The following MEGF11 variants were observed in gnomAD, a reference collection of about 807,000 sequenced individuals.
MEGF11 encodes multiple EGF like domains 11.
Under a neutral mutation model 146.6 loss-of-function variants are expected in MEGF11, and 126 were observed. That is an observed-to-expected ratio of 0.86 (90% CI 0.74 to 1.00). The LOEUF (loss-of-function observed/expected upper bound fraction) is 1.00. Ranked by LOEUF, MEGF11 falls within the 50% of genes least tolerant of loss-of-function variation. MEGF11 has a pLI of 0.00. For missense variants in MEGF11, 1,509 were observed against 1,521.2 expected, an observed-to-expected ratio of 0.99 and a Z score of 0.13; for synonymous variants, 532 against 583.4, an observed-to-expected ratio of 0.91 and a Z score of 1.27.
At chr15:65,903,189 CA>C (rs2078536978) in intron 24 of MEGF11, among the ~76,000 whole-genome samples, 1 of 152,134 alleles carries the variant, frequency 6.6e-6, no homozygotes, top group Non-Finnish European at 1.5e-5. Context: ...CAAGTTTACG[CA>C]AAGACAGACT....
At position 65,963,855 on chromosome 15, in the gene MEGF11, C is replaced by T. The variant is rs560072299; in HGVS notation, c.1112+1053G>A. 1.2e-4 allele frequency among the ~76,000 whole-genome samples: 19 copies of T among 152,276 alleles called. No homozygotes were observed. The East Asian group carries it at 1.7e-3, about 14-fold the overall frequency. On this transcript the variant is annotated intron_variant, in intron 9 of 25. Transcript: ENST00000395614. The stretch of plus-strand genomic sequence containing the variant: ...CCGACATGCCTCTGCTTGCAGTGAA[C>T]GAGGCTCCAGAGTGATTTGTGAAAG...
At chr15:65,954,735 G>C (rs1215237946) in intron 10 of MEGF11, among the ~76,000 whole-genome samples, 1 of 152,226 alleles carries the variant, frequency 6.6e-6, no homozygotes, top group Non-Finnish European at 1.5e-5. Flanking sequence ...AGAGGCAGTG[G>C]CCTGGCCTCC....
chr15:66,252,765 C>T (rs1597178274), intron 1 of MEGF11, among the ~76,000 whole-genome samples: 1 of 152,208 alleles, frequency 6.6e-6, no homozygotes, highest in African/African-American at 2.4e-5. Context: ...CGGCTGCGCT[C>T]GGCAGCTCCA....
intron 3 of MEGF11, among the ~76,000 whole-genome samples, chr15:66,121,221 A>G (rs1011815895): frequency 9.2e-5 from 14 of 152,174 alleles, no homozygotes; most frequent in Admixed American, 8.5e-4. Flanking sequence ...CCCCTGAGCA[A>G]ACTTGGCTCT....
At chr15:66,134,513 AC>A (rs2088801075) in intron 1 of MEGF11, among the ~76,000 whole-genome samples, 1 of 149,826 alleles carries the variant, frequency 6.7e-6, no homozygotes, top group Non-Finnish European at 1.5e-5. Context: ...ACCCTCTCCC[AC>A]CTCCTCCCAG....
At chr15:66,225,856 C>T (rs1432634791) in intron 1 of MEGF11, among the ~76,000 whole-genome samples, 2 of 152,150 alleles carry the variant, frequency 1.3e-5, no homozygotes, top group African/African-American at 4.8e-5. Flanking sequence ...CATACATATA[C>T]AGGCACATGC....
At chr15:66,206,725 C>T (rs2091309904) in intron 1 of MEGF11, among the ~76,000 whole-genome samples, 1 of 151,870 alleles carries the variant, frequency 6.6e-6, no homozygotes, top group South Asian at 2.1e-4. Flanking sequence ...ATAGTGAAAC[C>T]CCGTCTCTAC....
chr15:66,068,656 C>T lies in MEGF11; in HGVS notation c.394+25746G>A, dbSNP rs1294247134. The stretch of plus-strand genomic sequence containing the variant: ...CACCTGGCCCTTGTCTTTCATGGCC[C>T]ACTGTCCAAGCCTCTTCCATCAGGC... On this transcript the variant is annotated intron_variant, in intron 5 of 25. Coordinates refer to ENST00000395614, the MANE Select transcript of MEGF11 (RefSeq NM_001385028.1). Among the ~76,000 whole-genome samples, 3 of 152,262 alleles carry T rather than the reference C, an allele frequency of 2.0e-5. No individual in the cohort carries two copies. In the East Asian group the frequency reaches 5.8e-4, roughly 29 times the overall value.
intron 23 of MEGF11, among the ~76,000 whole-genome samples, chr15:65,908,228 G>A (rs1235476937): frequency 6.6e-6 from 1 of 152,170 alleles, no homozygotes; most frequent in Non-Finnish European, 1.5e-5. Context: ...GGACCTGCAG[G>A]GATTGGTAGA....
At chr15:66,099,285 T>A (rs1682450643) in intron 4 of MEGF11, among the ~76,000 whole-genome samples, 1 of 146,680 alleles carries the variant, frequency 6.8e-6, no homozygotes, top group Admixed American at 7.1e-5. Context: ...CAGGTTCAAG[T>A]GATTCTCCTG....
At chr15:65,930,714 T>A in intron 11 of MEGF11, 109 bp downstream of exon 11, 1 of 1,360,648 alleles carries the variant, frequency 7.3e-7, no homozygotes, top group Non-Finnish European at 9.8e-7. Flanking sequence ...TGACCTTGCA[T>A]GTGGGGGCGG....
At chr15:65,902,621 G>A (rs964689229) in intron 24 of MEGF11, 3 of 152,198 alleles carry the variant, frequency 2.0e-5, no homozygotes, top group Non-Finnish European at 4.4e-5. Context: ...CCCCACCCCT[G>A]TCCCAGTCCC....
intron 10 of MEGF11, among the ~76,000 whole-genome samples, chr15:65,955,078 T>C (rs772027402): frequency 2.0e-5 from 3 of 152,198 alleles, no homozygotes; most frequent in Admixed American, 6.5e-5. Flanking sequence ...TCTCTCCCTG[T>C]ATACACCCCA....
chr15:66,030,098 T>C (rs906006376), intron 5 of MEGF11, among the ~76,000 whole-genome samples: 1 of 152,230 alleles, frequency 6.6e-6, no homozygotes, highest in African/African-American at 2.4e-5. Context: ...CTTCTGACAG[T>C]GACAATGTCC....
intron 5 of MEGF11, among the ~76,000 whole-genome samples, chr15:65,983,456 G>C (rs1026961982): frequency 6.6e-6 from 1 of 152,120 alleles, no homozygotes; most frequent in African/African-American, 2.4e-5. Flanking sequence ...AGCCTCATTC[G>C]CTCAAATTCT....
At chr15:65,922,683 A>G in intron 14 of MEGF11, 140 bp downstream of exon 14, 1 of 1,261,948 alleles carries the variant, frequency 7.9e-7, no homozygotes, top group Non-Finnish European at 1.1e-6. Context: ...ACAGAACTGC[A>G]GAGGGAGAGA....
intron 1 of MEGF11, among the ~76,000 whole-genome samples, chr15:66,179,683 C>T (rs2090488251): frequency 2.6e-5 from 4 of 152,168 alleles, no homozygotes; most frequent in African/African-American, 4.8e-5. Context: ...GGAGATTGTA[C>T]TCAACCGGGT....
intron 1 of MEGF11, among the ~76,000 whole-genome samples, chr15:66,250,315 C>T (rs2092352659): frequency 6.6e-6 from 1 of 152,220 alleles, no homozygotes; most frequent in African/African-American, 2.4e-5. Context: ...CACCTTGGAG[C>T]CTTGAACCAC....
chr15:65,986,795 T>TTTTC (rs2081873441), intron 5 of MEGF11, among the ~76,000 whole-genome samples: 1 of 135,336 alleles, frequency 7.4e-6, no homozygotes, highest in African/African-American at 2.6e-5. Context: ...GATTTTTCCT[T>TTTTC]TTTTTTTTTT....
Sources: allele counts gnomAD v4.1 joint callset (sites outside exome capture counted in the v4.1 genomes callset), GRCh38; gene constraint gnomAD v4.1.1; transcripts MANE v1.5; gene names NCBI Gene and HGNC (gene_info 2026-07-23, HGNC 2026-07-21).